PRKDC: variants seen among roughly 807,000 people sequenced by gnomAD.
PRKDC encodes protein kinase, DNA-activated, catalytic subunit, also known as DNA-dependent protein kinase catalytic subunit.
PRKDC carries 82 observed loss-of-function variants against 486.9 expected under a neutral mutation model. That is an observed-to-expected ratio of 0.17 (90% CI 0.14 to 0.20). PRKDC has a LOEUF of 0.20. Among genes scored for constraint, PRKDC ranks in the 10% least tolerant of loss-of-function variants. The pLI is 1.00. For missense variants in PRKDC, 4,504 were observed against 5,038.2 expected (o/e 0.89, Z 3.21); for synonymous variants, 1,895 against 1,837.0 (o/e 1.03, Z -0.81).
At position 47,826,732 on chromosome 8, in the gene PRKDC, C is replaced by T. The variant is rs561050556; in HGVS notation, c.8707G>A (p.Ala2903Thr). 2 of 1,613,168 alleles carry T rather than the reference C, an allele frequency of 1.2e-6. No individual in the cohort carries two copies. The highest frequency in any genetic ancestry group is 8.5e-7 in the Non-Finnish European group (1 of 1,179,766). Reference protein sequence around the residue: ...LEEALLRLLPAELPAKRVRGK... With the variant: ...LEEALLRLLPTELPAKRVRGK... ...CGGACTCGCTTGGCAGGCAGCTCAG[C>T]AGGCAGCAGGCGGAGCAGAGCCTCC... The change falls in exon 63 of 86, where the codon GCT becomes ACT. Residue 2903 changes from alanine (A) to threonine (T), a missense_variant. Transcript: ENST00000314191.
chr8:47,857,283 G>A lies in PRKDC; in HGVS notation c.6482C>T (p.Ala2161Val). 5.0e-6 allele frequency: 8 copies of A among 1,611,258 alleles called. No homozygotes were observed. The highest frequency in any genetic ancestry group is 2.2e-5 in the East Asian group (1 of 44,854). ...INTEEVFRPY[A>V]KHWLSPLLQL... ...CAGCAAGGGGCTAAGCCAGTGCTTCGCGTAAGGGCGAAAGACCTACAAGAG... is the reference window on the plus strand; with the variant it reads ...CAGCAAGGGGCTAAGCCAGTGCTTCACGTAAGGGCGAAAGACCTACAAGAG... The change falls in exon 49 of 86, where the codon GCG becomes GTG. Residue 2161 changes from alanine (A) to valine (V), a missense_variant. This residue lies in a region of PRKDC where 1,592 missense variants were observed against 1,724.6 expected (regional missense o/e 0.92). Transcript: ENST00000314191.
chr8:47,873,345 T>C (rs1455594730), intron 40 of PRKDC, among the ~76,000 whole-genome samples: 2 of 151,766 alleles, frequency 1.3e-5, no homozygotes, highest in African/African-American at 2.4e-5. Context: ...AAGATAAGCC[T>C]GGCCAACATG....
At chr8:47,925,410 G>A (rs570181742) in intron 21 of PRKDC, among the ~76,000 whole-genome samples, 44 of 152,314 alleles carry the variant, frequency 2.9e-4, no homozygotes, top group African/African-American at 9.4e-4. Flanking sequence ...AAAATAACTG[G>A]CCTGCAGCCT....
At chr8:47,886,206 G>T in intron 35 of PRKDC, 59 bp from the exon 36 acceptor site, 1 of 1,376,138 alleles carries the variant, frequency 7.3e-7, no homozygotes, top group South Asian at 1.6e-5. Context: ...GGCACAGAAA[G>T]ACCCTTGGGC....
At chr8:47,924,462 A>G (rs1487088725) in intron 21 of PRKDC, among the ~76,000 whole-genome samples, 1 of 152,104 alleles carries the variant, frequency 6.6e-6, no homozygotes, top group African/African-American at 2.4e-5. Context: ...TGGGAGGCTG[A>G]GGTGGAAGGA....
chr8:47,872,164 A>T (rs1323653700), intron 40 of PRKDC, among the ~76,000 whole-genome samples: 1 of 152,210 alleles, frequency 6.6e-6, no homozygotes, highest in Non-Finnish European at 1.5e-5. Flanking sequence ...AATTTTTATT[A>T]GTTTTTTCTC....
chr8:47,948,665 T>C (rs977811449), intron 7 of PRKDC, among the ~76,000 whole-genome samples: 8 of 150,648 alleles, frequency 5.3e-5, no homozygotes, highest in Non-Finnish European at 1.2e-4. Context: ...TTTCTCCATG[T>C]TGGTCAGGCT....
chr8:47,849,131 G>A (rs1353633119), intron 54 of PRKDC, 23 bp downstream of exon 54: 1 of 1,610,366 alleles, frequency 6.2e-7, no homozygotes, highest in African/African-American at 1.3e-5. Flanking sequence ...TGGGACCCAA[G>A]AGCAGGGCTA....
At chr8:47,923,907 T>G (rs992955120) in intron 21 of PRKDC, among the ~76,000 whole-genome samples, 4 of 152,360 alleles carry the variant, frequency 2.6e-5, no homozygotes, top group East Asian at 3.9e-4. Context: ...TTTGGACTTG[T>G]GTCCTACAAA....
At chr8:47,844,480 G>C (rs561091169) in intron 54 of PRKDC, among the ~76,000 whole-genome samples, 2 of 152,116 alleles carry the variant, frequency 1.3e-5, no homozygotes, top group Non-Finnish European at 2.9e-5. Context: ...GTGTTAGATA[G>C]ATCAGGAAGG....
intron 8 of PRKDC, 42 bp downstream of exon 8, chr8:47,943,932 G>A: frequency 9.6e-6 from 15 of 1,559,574 alleles, no homozygotes; most frequent in Non-Finnish European, 1.2e-5. Context: ...AGTCTGCACT[G>A]TAAAGGCATT....
At chr8:47,791,845 T>G (rs1384961955) in intron 74 of PRKDC, among the ~76,000 whole-genome samples, 2 of 152,194 alleles carry the variant, frequency 1.3e-5, no homozygotes, top group African/African-American at 2.4e-5. Context: ...GAAATCCCAC[T>G]ACTGGATATA....
At chr8:47,809,246 T>C (rs961766321) in intron 68 of PRKDC, among the ~76,000 whole-genome samples, 1 of 152,070 alleles carries the variant, frequency 6.6e-6, no homozygotes, top group Non-Finnish European at 1.5e-5. Context: ...ATACAACCCT[T>C]GCTGGCCATT....
At chr8:47,893,444 T>C (rs1008022600) in intron 30 of PRKDC, 57 bp from the exon 31 acceptor site, 1 of 1,361,414 alleles carries the variant, frequency 7.3e-7, no homozygotes, top group African/African-American at 1.5e-5. Flanking sequence ...TTTAATCTAA[T>C]CTTTGTACCT....
chr8:47,785,046 C>G, intron 77 of PRKDC, 67 bp downstream of exon 77: 3 of 1,474,616 alleles, frequency 2.0e-6, no homozygotes, highest in Non-Finnish European at 2.8e-6. Context: ...TTCCAGAAAC[C>G]ACGAGTTCTT....
intron 54 of PRKDC, among the ~76,000 whole-genome samples, chr8:47,845,537 C>G (rs1463517829): frequency 6.6e-6 from 1 of 151,812 alleles, no homozygotes; most frequent in Non-Finnish European, 1.5e-5. Context: ...AATTAGGAAA[C>G]CTAGAGGAAA....
At chr8:47,836,761 A>G (rs568640622) in intron 57 of PRKDC, among the ~76,000 whole-genome samples, 30 of 152,368 alleles carry the variant, frequency 2.0e-4, no homozygotes, top group African/African-American at 7.2e-4. Context: ...TAATGTTTGC[A>G]TAAAAAGGTT....
chr8:47,866,861 G>A (rs544352337), intron 40 of PRKDC, among the ~76,000 whole-genome samples: 30 of 152,206 alleles, frequency 2.0e-4, no homozygotes, highest in African/African-American at 7.2e-4. Flanking sequence ...AATACAAGAT[G>A]ATATAAACAC....
At chr8:47,821,000 T>C (rs1051836676) in intron 65 of PRKDC, 57 bp from the exon 66 acceptor site, 3 of 1,103,006 alleles carry the variant, frequency 2.7e-6, no homozygotes, top group Admixed American at 5.1e-5. Flanking sequence ...GTATGTCTAA[T>C]TATTTTATTT....
Sources: allele counts gnomAD v4.1 joint callset (sites outside exome capture counted in the v4.1 genomes callset), GRCh38; gene constraint gnomAD v4.1.1; regional missense constraint gnomAD v4.1.1; transcripts MANE v1.5; gene names NCBI Gene and HGNC (gene_info 2026-07-23, HGNC 2026-07-21).